Variants in DTD1 observed in about 807,000 individuals in gnomAD.
DTD1 encodes D-aminoacyl-tRNA deacylase 1, also known as D-tyrosyl-tRNA deacylase 1 homolog.
A neutral mutation model predicts 25.6 loss-of-function variants in DTD1; 13 were observed. That is an observed-to-expected ratio of 0.51 (90% CI 0.33 to 0.81). The LOEUF is 0.81. Ranked by LOEUF, DTD1 falls within the 30% of genes least tolerant of loss-of-function variation. The pLI is 0.02. For missense variants in DTD1, 193 were observed against 266.4 expected (o/e 0.72, Z 1.92); for synonymous variants, 110 against 103.6 (o/e 1.06, Z -0.37).
intron 1 of DTD1, among the ~76,000 whole-genome samples, chr20:18,590,817 C>G (rs1006783795): frequency 1.3e-5 from 2 of 152,148 alleles, no homozygotes; most frequent in African/African-American, 4.8e-5. Flanking sequence ...CTGTGATAAT[C>G]TAATTTTTAA....
At chr20:18,600,764 C>G (rs1379987033) in intron 3 of DTD1, among the ~76,000 whole-genome samples, 4 of 152,152 alleles carry the variant, frequency 2.6e-5, no homozygotes, top group African/African-American at 9.7e-5. Context: ...CTTTAGTGCT[C>G]TGACTTCTTT....
intron 4 of DTD1, among the ~76,000 whole-genome samples, chr20:18,734,475 G>A (rs2061248881): frequency 6.6e-6 from 1 of 152,188 alleles, no homozygotes; most frequent in Non-Finnish European, 1.5e-5. Flanking sequence ...TGCTACAAAG[G>A]GCAGTGGGCT....
At chr20:18,720,569 T>C (rs557148408) in intron 4 of DTD1, among the ~76,000 whole-genome samples, 2 of 152,330 alleles carry the variant, frequency 1.3e-5, no homozygotes, top group East Asian at 3.9e-4. Context: ...TTTAAAAGTT[T>C]TTTGGCCAAG....
chr20:18,757,337 C>G (rs1360050360), intron 5 of DTD1, among the ~76,000 whole-genome samples: 1 of 152,198 alleles, frequency 6.6e-6, no homozygotes, highest in Non-Finnish European at 1.5e-5. Context: ...AGAGGGCATC[C>G]CTGTCTTGTG....
At chr20:18,646,830 C>T (rs1470077546) in intron 4 of DTD1, among the ~76,000 whole-genome samples, 1 of 152,166 alleles carries the variant, frequency 6.6e-6, no homozygotes. Context: ...ACTGGGGACC[C>T]TTAGGAACTT....
rs1451833543 is a variant in DTD1, at chr20:18,764,096, A to G, written c.*756A>G. The G allele has an allele frequency of 2.0e-5, 3 of 152,124 alleles. No homozygotes were observed. The highest frequency in any genetic ancestry group is 6.5e-5 in the Admixed American group (1 of 15,282). The allele number at this position is 152,124 out of a possible 1,614,324, so 9.4% of individuals were successfully genotyped here. On this transcript the variant is annotated 3_prime_UTR_variant, in exon 6 of 6. Coordinates refer to ENST00000377452, the MANE Select transcript of DTD1 (RefSeq NM_080820.6). The stretch of plus-strand genomic sequence containing the variant: ...GTCTAGCCAGTTTACAATTGATGAC[A>G]TGGTACTTGGAAGTGAGATGTCAGG...
chr20:18,723,393 C>T (rs1349761269), intron 4 of DTD1, among the ~76,000 whole-genome samples: 2 of 152,174 alleles, frequency 1.3e-5, no homozygotes, highest in East Asian at 3.8e-4. Context: ...GAGATAGAGG[C>T]TAATGATAAT....
chr20:18,629,889 A>G (rs1438760418), intron 4 of DTD1, among the ~76,000 whole-genome samples: 1 of 151,296 alleles, frequency 6.6e-6, no homozygotes, highest in Non-Finnish European at 1.5e-5. Flanking sequence ...ACCAGATCTC[A>G]TGAGAACTCA....
chr20:18,641,932 A>G (rs981174807), intron 4 of DTD1, among the ~76,000 whole-genome samples: 4 of 152,180 alleles, frequency 2.6e-5, no homozygotes, highest in Non-Finnish European at 5.9e-5. Flanking sequence ...CCAAGAAATC[A>G]TTGCCAAATC....
At chr20:18,589,447 A>G (rs899584384) in intron 1 of DTD1, among the ~76,000 whole-genome samples, 1 of 152,166 alleles carries the variant, frequency 6.6e-6, no homozygotes, top group African/African-American at 2.4e-5. Flanking sequence ...CCAAAACCGT[A>G]TATTTAAATC....
chr20:18,623,726 G>A (rs575912998), intron 3 of DTD1, among the ~76,000 whole-genome samples: 5 of 152,194 alleles, frequency 3.3e-5, no homozygotes, highest in African/African-American at 7.2e-5. Flanking sequence ...GCGTCCAGCC[G>A]GGTCTCCTTT....
At chr20:18,651,879 A>G (rs993614766) in intron 4 of DTD1, among the ~76,000 whole-genome samples, 3 of 152,222 alleles carry the variant, frequency 2.0e-5, no homozygotes, top group African/African-American at 7.2e-5. Flanking sequence ...GTAGCTGGGC[A>G]GGGATGGAGG....
chr20:18,620,066 G>A (rs1481481500), intron 3 of DTD1: 1 of 151,980 alleles, frequency 6.6e-6, no homozygotes, highest in Non-Finnish European at 1.5e-5. Context: ...ATATGCTGAA[G>A]ACACACTGTT....
At chr20:18,674,076 A>G (rs911903280) in intron 4 of DTD1, among the ~76,000 whole-genome samples, 1 of 152,150 alleles carries the variant, frequency 6.6e-6, no homozygotes, top group African/African-American at 2.4e-5. Flanking sequence ...GTGGATTTAT[A>G]TATCCTACTT....
intron 1 of DTD1, 98 bp downstream of exon 1, chr20:18,588,213 T>A: frequency 1.9e-6 from 2 of 1,077,614 alleles, no homozygotes; most frequent in Non-Finnish European, 2.3e-6. Flanking sequence ...TTGGGGCCGC[T>A]GCGGCCCCTC....
At chr20:18,650,711 T>A (rs2060870990) in intron 4 of DTD1, among the ~76,000 whole-genome samples, 1 of 152,196 alleles carries the variant, frequency 6.6e-6, no homozygotes, top group Admixed American at 6.5e-5. Context: ...AGCTCAGAAT[T>A]GACTATGTGC....
chr20:18,751,322 C>T (rs948149472), intron 5 of DTD1, among the ~76,000 whole-genome samples: 5 of 152,014 alleles, frequency 3.3e-5, no homozygotes, highest in African/African-American at 1.2e-4. Context: ...CTGGAGTTTA[C>T]AATATACATT....
chr20:18,744,863 A>T (rs2061294204), intron 5 of DTD1, among the ~76,000 whole-genome samples: 1 of 151,912 alleles, frequency 6.6e-6, no homozygotes, highest in Non-Finnish European at 1.5e-5. Flanking sequence ...TTGGGTGGGG[A>T]CACAGCCAAA....
intron 4 of DTD1, among the ~76,000 whole-genome samples, chr20:18,649,681 G>A (rs966386639): frequency 1.8e-4 from 27 of 151,988 alleles, no homozygotes; most frequent in African/African-American, 6.3e-4. Flanking sequence ...TGAGCTCTTG[G>A]GGCTTTCAAC....
Sources: allele counts gnomAD v4.1 joint callset (sites outside exome capture counted in the v4.1 genomes callset), GRCh38; gene constraint gnomAD v4.1.1; transcripts MANE v1.5; gene names NCBI Gene and HGNC (gene_info 2026-07-23, HGNC 2026-07-21).